PATJ: variants seen among roughly 807,000 people sequenced by gnomAD.
PATJ encodes PATJ crumbs cell polarity complex component.
In PATJ, 190 loss-of-function variants were observed where a neutral mutation model predicts 224.9. The observed-to-expected ratio is 0.84, with a 90% confidence interval of 0.75 to 0.95. The LOEUF (loss-of-function observed/expected upper bound fraction) is 0.95. Ranked by LOEUF, PATJ falls within the 40% of genes least tolerant of loss-of-function variation. The pLI is 0.00. For synonymous variants in PATJ, 769 were observed against 820.3 expected, an observed-to-expected ratio of 0.94 and a Z score of 1.07; for missense variants, 2,121 against 2,270.3, an observed-to-expected ratio of 0.93 and a Z score of 1.34.
At chr1:62,005,430 T>C (rs1433909774) in intron 28 of PATJ, among the ~76,000 whole-genome samples, 2 of 151,842 alleles carry the variant, frequency 1.3e-5, no homozygotes, top group Non-Finnish European at 2.9e-5. Context: ...TTTTTTTTTT[T>C]TTCGTCTGTG....
At chr1:62,011,098 C>T (rs1646420127) in intron 28 of PATJ, among the ~76,000 whole-genome samples, 1 of 152,226 alleles carries the variant, frequency 6.6e-6, no homozygotes, top group African/African-American at 2.4e-5. Flanking sequence ...TCTATCCAGA[C>T]CACTCAAACT....
At chr1:61,972,491 A>G (rs898508272) in intron 27 of PATJ, among the ~76,000 whole-genome samples, 28 of 152,056 alleles carry the variant, frequency 1.8e-4, no homozygotes, top group African/African-American at 6.3e-4. Context: ...AATGCTATGT[A>G]CTGTGTCGCT....
At chr1:61,765,043 T>A (rs1646182410) in intron 3 of PATJ, among the ~76,000 whole-genome samples, 1 of 151,176 alleles carries the variant, frequency 6.6e-6, no homozygotes, top group South Asian at 2.1e-4. Flanking sequence ...TTTTATTTTT[T>A]CTTTGAGGTT....
intron 28 of PATJ, among the ~76,000 whole-genome samples, chr1:61,993,781 T>C (rs1162320632): frequency 1.3e-5 from 2 of 152,202 alleles, no homozygotes; most frequent in African/African-American, 4.8e-5. Flanking sequence ...TAGCACAGCA[T>C]GGTGAATAGT....
intron 14 of PATJ, among the ~76,000 whole-genome samples, chr1:61,810,797 A>T (rs908375148): frequency 9.9e-5 from 15 of 152,138 alleles, no homozygotes; most frequent in Admixed American, 9.2e-4. Flanking sequence ...GGTAGTGGGC[A>T]CCTGTAATCC....
Position 62,084,643 on chromosome 1 carries a change from C to T in PATJ, c.4372C>T (p.Pro1458Ser). The change falls in exon 33 of 44, where the codon CCC (proline) becomes TCC (serine). Residue 1458 changes from proline to serine, a missense_variant. By Grantham distance (74) the Pro-to-Ser change is moderately conservative. Coordinates refer to ENST00000642238, the MANE Select transcript of PATJ (RefSeq NM_001350145.3). ...CAGCATTGTGGGAGGAAAAGACACA[C>T]CCTTGGTAAGTTTCTAGAAATAAAA... ...GLSIVGGKDTPLNAIVIHEVY... is the reference protein window; with the variant it reads ...GLSIVGGKDTSLNAIVIHEVY... 1.2e-6 allele frequency: 2 copies of T among 1,612,218 alleles called. No individual in the cohort carries two copies. Among genetic ancestry groups the T allele is most frequent in the South Asian group, 1.1e-5 (1 of 90,362 alleles).
At chr1:62,059,598 G>A (rs1047136672) in intron 31 of PATJ, among the ~76,000 whole-genome samples, 3 of 151,686 alleles carry the variant, frequency 2.0e-5, no homozygotes, top group African/African-American at 7.3e-5. Context: ...GCCTGGGTGA[G>A]AGAGCGAGAC....
chr1:61,856,016 T>C lies in PATJ; in HGVS notation c.2113-14T>C, dbSNP rs1487448933. The stretch of plus-strand genomic sequence containing the variant: ...AGTGCATGGACTCATCCTTCTTCTT[T>C]GCTCGATTCACAGGACCCTTTAGAT... On this transcript the variant is annotated splice_polypyrimidine_tract_variant and intron_variant, in intron 17 of 43. Coordinates refer to ENST00000642238, the MANE Select transcript of PATJ (RefSeq NM_001350145.3). 12 of 1,605,396 alleles carry C rather than the reference T, an allele frequency of 7.5e-6. No homozygotes were observed. The highest frequency in any genetic ancestry group is 1.0e-5 in the Non-Finnish European group (12 of 1,172,178).
chr1:61,907,352 C>T (rs1241941101), intron 24 of PATJ, among the ~76,000 whole-genome samples: 2 of 152,160 alleles, frequency 1.3e-5, no homozygotes, highest in Admixed American at 1.3e-4. Context: ...TTAAAGGGAA[C>T]TTCCCCTGCT....
At position 61,827,517 on chromosome 1, in the gene PATJ, GT is replaced by G. The variant is rs1386119219; in HGVS notation, c.1916del (p.Leu639CysfsTer8). 6.2e-7 allele frequency: 1 copy of G among 1,614,058 alleles called. No individual in the cohort carries two copies. Among genetic ancestry groups the G allele is most frequent in the Admixed American group, 1.7e-5 (1 of 60,000 alleles). On this transcript the variant is annotated frameshift_variant, in exon 16 of 44. Coordinates refer to ENST00000642238, the MANE Select transcript of PATJ (RefSeq NM_001350145.3). LOFTEE classifies it high-confidence loss of function. ...CTTTTACTTTGGTTTGCTGTCGGAG[GT>G]TGTTTGATGATGAAGCTTCTGTAGA... Reference protein sequence around the residue: ...PPFTLVCCRRLFDDEASVDEP... With the variant: ...PPFTLVCCRRXFDDEASVDEP...
intron 29 of PATJ, among the ~76,000 whole-genome samples, chr1:62,027,218 CAGT>C (rs1648141130): frequency 6.6e-6 from 1 of 152,218 alleles, no homozygotes; most frequent in Admixed American, 6.5e-5. Context: ...TGGACTCATG[CAGT>C]ATTTGTCCTT....
At chr1:61,871,019 G>A (rs1666253137) in intron 20 of PATJ, among the ~76,000 whole-genome samples, 1 of 149,716 alleles carries the variant, frequency 6.7e-6, no homozygotes, top group Non-Finnish European at 1.5e-5. Flanking sequence ...TGTATTCTTT[G>A]GAGAAATGTC....
intron 1 of PATJ, among the ~76,000 whole-genome samples, chr1:61,748,299 T>C (rs985440623): frequency 8.1e-6 from 1 of 123,500 alleles, no homozygotes; most frequent in Non-Finnish European, 1.6e-5. Flanking sequence ...CTTTTGCCCA[T>C]GCTGGAGTGC....
intron 17 of PATJ, among the ~76,000 whole-genome samples, chr1:61,849,024 TTC>T (rs1662404208): frequency 6.6e-6 from 1 of 152,240 alleles, no homozygotes; most frequent in Admixed American, 6.5e-5. Context: ...GAAACATACT[TTC>T]TCTTACTGAA....
At chr1:62,015,004 A>G (rs1435968931) in intron 28 of PATJ, among the ~76,000 whole-genome samples, 6 of 152,148 alleles carry the variant, frequency 3.9e-5, no homozygotes, top group Non-Finnish European at 8.8e-5. Flanking sequence ...CATGATATTA[A>G]GAATAGAAAC....
chr1:62,121,809 C>A (rs913094482), intron 38 of PATJ, among the ~76,000 whole-genome samples: 3 of 151,226 alleles, frequency 2.0e-5, no homozygotes, highest in Non-Finnish European at 2.9e-5. Flanking sequence ...AGTGGCACAA[C>A]ACAAAGCACC....
chr1:62,117,803 T>G (rs1323761303), intron 37 of PATJ, among the ~76,000 whole-genome samples: 2 of 152,174 alleles, frequency 1.3e-5, no homozygotes, highest in African/African-American at 4.8e-5. Flanking sequence ...TTCATTGTAA[T>G]GGCTGACAAA....
At chr1:61,810,791 G>C (rs1047361855) in intron 14 of PATJ, among the ~76,000 whole-genome samples, 1 of 152,148 alleles carries the variant, frequency 6.6e-6, no homozygotes. Context: ...GGGCGTGGTA[G>C]TGGGCACCTG....
rs540058706 is a variant in PATJ at position 62,162,744 on chromosome 1, C to T, written c.*1690C>T. 98 of 178,504 alleles carry T rather than the reference C, an allele frequency of 5.5e-4. No individual in the cohort carries two copies. The highest frequency in any genetic ancestry group is 2.0e-3 in the African/African-American group (83 of 41,726). 11.1% of individuals were successfully genotyped at this position (178,504 alleles called of 1,614,324 possible). On this transcript the variant is annotated 3_prime_UTR_variant, in exon 44 of 44. Coordinates refer to ENST00000642238, the MANE Select transcript of PATJ (RefSeq NM_001350145.3). ...CAGGCGAATCATGAGGTCAGGAGTT[C>T]GAGACCAGCCTGGCCAATATGGTGA...
Sources: gnomAD v4.1 joint callset for allele counts (sites outside exome capture counted in the v4.1 genomes callset) on GRCh38, gnomAD v4.1.1 for gene constraint, MANE v1.5 for transcripts, NCBI Gene and HGNC (gene_info 2026-07-23, HGNC 2026-07-21) for gene names.